ZNG1B: variants seen among roughly 807,000 people sequenced by gnomAD.
ZNG1B encodes the protein zinc-regulated GTPase metalloprotein activator 1B.
At chr2:113,471,644 C>T in the ZNG1B span, among the ~76,000 whole-genome samples, 1 of 146,320 alleles carries the variant, frequency 6.8e-6, no homozygotes, top group East Asian at 2.0e-4. Flanking sequence ...CCCCCCAACC[C>T]ACAACAGTCC....
At chr2:113,476,259 C>A in the ZNG1B span, among the ~76,000 whole-genome samples, 22 of 152,202 alleles carry the variant, frequency 1.4e-4, 1 homozygote, top group South Asian at 4.6e-3. Flanking sequence ...ATCGCTGATA[C>A]CCTTTCTTCC....
chr2:113,448,339 A>C, the ZNG1B span, among the ~76,000 whole-genome samples: 794 of 140,356 alleles, frequency 5.7e-3, no homozygotes, highest in African/African-American at 0.013. Context: ...TGGGCTTAAA[A>C]TAAACCATGC....
the ZNG1B span, among the ~76,000 whole-genome samples, chr2:113,461,221 A>AT: frequency 4.0e-5 from 6 of 149,408 alleles, no homozygotes; most frequent in African/African-American, 7.3e-5. Flanking sequence ...TAATTTTTGC[A>AT]TTTTTTTTTA....
the ZNG1B span, among the ~76,000 whole-genome samples, chr2:113,488,293 A>T: frequency 2.6e-5 from 4 of 152,190 alleles, no homozygotes; most frequent in Admixed American, 2.0e-4. Flanking sequence ...AGCTCTCAGG[A>T]AGCCACATCC....
At chr2:113,489,811 T>C in the ZNG1B span, among the ~76,000 whole-genome samples, 2 of 147,890 alleles carry the variant, frequency 1.4e-5, no homozygotes, top group Non-Finnish European at 3.0e-5. Flanking sequence ...AACAGGAAAG[T>C]ATCACAATCC....
chr2:113,440,411 T>C, the ZNG1B span, among the ~76,000 whole-genome samples: 1 of 151,966 alleles, frequency 6.6e-6, no homozygotes, highest in Non-Finnish European at 1.5e-5. Flanking sequence ...TGTGAAACAC[T>C]CATGTTCAGG....
the ZNG1B span, among the ~76,000 whole-genome samples, chr2:113,473,186 T>C: frequency 6.6e-6 from 1 of 151,892 alleles, no homozygotes; most frequent in African/African-American, 2.4e-5. Context: ...TAGTTCTCCT[T>C]GAAGAGGTCC....
the ZNG1B span, among the ~76,000 whole-genome samples, chr2:113,465,627 T>C: frequency 2.6e-5 from 4 of 151,962 alleles, no homozygotes; most frequent in Non-Finnish European, 4.4e-5. Flanking sequence ...TTTCATTTTC[T>C]CTAGGTTCTG....
the ZNG1B span, among the ~76,000 whole-genome samples, chr2:113,439,430 A>G: frequency 1.3e-5 from 2 of 151,908 alleles, no homozygotes; most frequent in Admixed American, 6.6e-5. Context: ...CATCCCCCCA[A>G]ATCCTGCTTC....
the ZNG1B span, among the ~76,000 whole-genome samples, chr2:113,478,320 G>A: frequency 3.3e-5 from 5 of 152,086 alleles, no homozygotes; most frequent in East Asian, 9.7e-4. Context: ...CTGTCACTCA[G>A]GCTGGAGTGC....
the ZNG1B span, chr2:113,465,788 A>G: frequency 1.1e-6 from 1 of 934,356 alleles, no homozygotes; most frequent in African/African-American, 2.2e-5. Context: ...AAGGCTCAGC[A>G]GCTGATAGAC....
chr2:113,437,952 G>T, the ZNG1B span: 2 of 1,612,010 alleles, frequency 1.2e-6, no homozygotes, highest in South Asian at 1.1e-5. Flanking sequence ...TGGAGACGAC[G>T]CAAAGCGAGG....
At chr2:113,449,707 GT>G in the ZNG1B span, among the ~76,000 whole-genome samples, 1 of 144,754 alleles carries the variant, frequency 6.9e-6, no homozygotes, top group African/African-American at 2.6e-5. Flanking sequence ...TTTGTCTTTT[GT>G]TTTTATATTA....
At chr2:113,477,860 A>G in the ZNG1B span, among the ~76,000 whole-genome samples, 3,733 of 145,004 alleles carry the variant, frequency 0.026, no homozygotes, top group African/African-American at 0.063. Context: ...ACCATTCTAC[A>G]CTCTTTCTGT....
chr2:113,457,245 C>T, the ZNG1B span: 2 of 414,754 alleles, frequency 4.8e-6, no homozygotes, highest in African/African-American at 2.1e-5. Context: ...TGTTATATTG[C>T]ACAATCTGTT....
the ZNG1B span, among the ~76,000 whole-genome samples, chr2:113,445,790 A>G: frequency 7.9e-6 from 1 of 127,246 alleles, no homozygotes; most frequent in Non-Finnish European, 1.6e-5. Flanking sequence ...TCTGACCCAT[A>G]CCATTATTTT....
chr2:113,447,986 A>G, the ZNG1B span: 1 of 381,404 alleles, frequency 2.6e-6, no homozygotes, highest in African/African-American at 2.1e-5. Context: ...TACTCTATTC[A>G]TGTTGATACT....
At chr2:113,450,996 T>G in the ZNG1B span, among the ~76,000 whole-genome samples, 1 of 151,418 alleles carries the variant, frequency 6.6e-6, no homozygotes, top group Non-Finnish European at 1.5e-5. Flanking sequence ...TAAAATTCCT[T>G]TGCCTTGTAT....
At chr2:113,458,000 A>T in the ZNG1B span, among the ~76,000 whole-genome samples, 1 of 146,830 alleles carries the variant, frequency 6.8e-6, no homozygotes, top group Non-Finnish European at 1.5e-5. Context: ...TAGTATCAAA[A>T]TTATTTTTGT....
Sources: gnomAD v4.1 joint callset for allele counts (sites outside exome capture counted in the v4.1 genomes callset) on GRCh38, gnomAD v4.1.1 for gene constraint, MANE v1.5 for transcripts, NCBI Gene and HGNC (gene_info 2026-07-23, HGNC 2026-07-21) for gene names.